The following ATP6V1B1 variants were observed in gnomAD, a reference collection of about 807,000 sequenced individuals.
ATP6V1B1 encodes the protein ATPase H+ transporting V1 subunit B1.
ATP6V1B1 carries 41 observed loss-of-function variants against 62.1 expected under a neutral mutation model. The observed-to-expected ratio is 0.66, with a 90% CI of 0.51 to 0.86. ATP6V1B1 has a LOEUF of 0.86. Among genes scored for constraint, ATP6V1B1 ranks in the 40% least tolerant of loss-of-function variants. The probability of loss-of-function intolerance (pLI) is 0.00; values close to 1 mark genes in which losing one functional copy is unlikely to be tolerated. For synonymous variants in ATP6V1B1, 253 were observed against 273.4 expected (o/e 0.93, Z 0.74); for missense variants, 651 against 697.5 (o/e 0.93, Z 0.75).
intron 4 of ATP6V1B1, among the ~76,000 whole-genome samples, chr2:70,958,813 T>A (rs1454078372): frequency 6.6e-6 from 1 of 152,150 alleles, no homozygotes; most frequent in Non-Finnish European, 1.5e-5. Context: ...GCCTTGCCTG[T>A]AAAGGTTTCC....
chr2:70,964,703 G>A, intron 12 of ATP6V1B1, 33 bp from the exon 13 acceptor site: 2 of 1,612,842 alleles, frequency 1.2e-6, no homozygotes, highest in Non-Finnish European at 1.7e-6. Context: ...TGGTAAGCCC[G>A]CAGCGGCCAC....
At position 70,935,916 on chromosome 2, in the gene ATP6V1B1, G is replaced by T. The variant is rs782785671; in HGVS notation, c.-39G>T. ...TGAAGTCTCAGAGCTGCCACCAGCAGCAGGCTCAGACACTGGGCTCCCAGC... is the reference window on the plus strand; with the variant it reads ...TGAAGTCTCAGAGCTGCCACCAGCATCAGGCTCAGACACTGGGCTCCCAGC... On this transcript the variant is annotated 5_prime_UTR_variant, in exon 1 of 14. Transcript: ENST00000234396. 6.4e-7 allele frequency: 1 copy of T among 1,567,828 alleles called. No individual in the cohort carries two copies. The highest frequency in any genetic ancestry group is 8.7e-7 in the Non-Finnish European group (1 of 1,143,674).
At chr2:70,964,672 T>A (rs1265572589) in intron 12 of ATP6V1B1, 64 bp from the exon 13 acceptor site, 1 of 1,612,550 alleles carries the variant, frequency 6.2e-7, no homozygotes, top group Non-Finnish European at 8.5e-7. Flanking sequence ...TGTGGCCAGG[T>A]TGGGGGCTAC....
At position 70,958,072 on chromosome 2, in the gene ATP6V1B1, C is replaced by T; in HGVS notation, c.201C>T (p.His67=). The change falls in exon 3 of 14, where the codon CAC becomes CAT. Residue 67 remains histidine, a synonymous_variant. Transcript: ENST00000234396. ...VKFAQYAEIV[H]FTLPDGTQRS... ...TTGCCCAGTATGCGGAGATCGTCCA[C>T]TTCACCCTCCCAGATGGGACTCAGA... 6.2e-7 allele frequency: 1 copy of T among 1,614,134 alleles called. No individual in the cohort carries two copies. The highest frequency in any genetic ancestry group is 2.2e-5 in the East Asian group (1 of 44,880).
At chr2:70,943,971 A>G in intron 2 of ATP6V1B1, 1 of 974,058 alleles carries the variant, frequency 1.0e-6, no homozygotes, top group Non-Finnish European at 1.2e-6. Context: ...GAAACCTCCT[A>G]CTATCCCTAA....
intron 11 of ATP6V1B1, 65 bp from the exon 12 acceptor site, chr2:70,964,372 AT>A (rs1171826556): frequency 4.5e-6 from 7 of 1,543,140 alleles, no homozygotes; most frequent in South Asian, 3.4e-5. Context: ...CCTGAGAACA[AT>A]TTGGGGACAG....
chr2:70,953,334 G>T (rs1301509188), intron 2 of ATP6V1B1, among the ~76,000 whole-genome samples: 5 of 152,146 alleles, frequency 3.3e-5, no homozygotes, highest in African/African-American at 1.2e-4. Flanking sequence ...TGTTTTCAAA[G>T]AGTACTTTTG....
intron 1 of ATP6V1B1, chr2:70,942,086 C>A: frequency 9.0e-7 from 1 of 1,114,286 alleles, no homozygotes; most frequent in Non-Finnish European, 1.1e-6. Context: ...GAGAGAGAGA[C>A]AGAGAGAGAG....
At chr2:70,948,520 G>A (rs574328308) in intron 2 of ATP6V1B1, 91 of 154,892 alleles carry the variant, frequency 5.9e-4, no homozygotes, top group African/African-American at 1.9e-3. Flanking sequence ...ATGAGGCAGG[G>A]CCCGTTTCGT....
chr2:70,958,008 A>T, intron 2 of ATP6V1B1, 38 bp from the exon 3 acceptor site: 1 of 1,588,502 alleles, frequency 6.3e-7, no homozygotes, highest in East Asian at 2.2e-5. Flanking sequence ...CTTTGCCTCC[A>T]GTCTCACTGT....
chr2:70,956,205 G>T, intron 2 of ATP6V1B1: 1 of 232,250 alleles, frequency 4.3e-6, no homozygotes, highest in Non-Finnish European at 9.9e-6. Flanking sequence ...GGACTTCATA[G>T]CCACCATAGG....
chr2:70,948,981 T>C (rs1680258607), intron 2 of ATP6V1B1, among the ~76,000 whole-genome samples: 1 of 152,216 alleles, frequency 6.6e-6, no homozygotes, highest in Non-Finnish European at 1.5e-5. Flanking sequence ...ATAACGATAG[T>C]AATGATGATG....
chr2:70,941,815 G>A (rs1680010446), intron 1 of ATP6V1B1: 7 of 985,726 alleles, frequency 7.1e-6, no homozygotes, highest in South Asian at 9.4e-5. Flanking sequence ...GTCTGAGAGC[G>A]AGGAGTGTGA....
intron 1 of ATP6V1B1, among the ~76,000 whole-genome samples, chr2:70,936,580 G>A (rs541051285): frequency 1.2e-4 from 19 of 152,218 alleles, no homozygotes; most frequent in Admixed American, 3.9e-4. Context: ...TGTGTGTTCT[G>A]AGGAGGGTGC....
chr2:70,961,758 C>G, intron 8 of ATP6V1B1, 65 bp downstream of exon 8: 1 of 1,487,522 alleles, frequency 6.7e-7, no homozygotes, highest in Non-Finnish European at 9.4e-7. Flanking sequence ...CCAAGACCTA[C>G]AGTACCAGGG....
intron 2 of ATP6V1B1, 139 bp from the exon 3 acceptor site, chr2:70,957,907 C>T: frequency 1.2e-6 from 1 of 814,718 alleles, no homozygotes; most frequent in Admixed American, 2.0e-5. Flanking sequence ...CACTTCCCAG[C>T]CCCTTGAGTT....
chr2:70,959,987 A>G lies in ATP6V1B1; in HGVS notation c.494A>G (p.Gln165Arg), dbSNP rs369079810. Reference protein sequence around the residue: ...HSRIYPEEMIQTGISPIDVMN... With the variant: ...HSRIYPEEMIRTGISPIDVMN... Reference sequence around the variant, plus strand: ...CGCATCTACCCCGAGGAGATGATTCAGACGGGCATTTCTCCTATTGACGTC... The same window carrying G: ...CGCATCTACCCCGAGGAGATGATTCGGACGGGCATTTCTCCTATTGACGTC... The change falls in exon 6 of 14, where the codon CAG becomes CGG. Residue 165 changes from glutamine (Q) to arginine (R), a missense_variant. Transcript: ENST00000234396. This position sits in a 1 kb window ranked among gnomAD's most constrained non-coding sequence, Gnocchi z 4.2. 4 of 1,614,106 alleles carry G rather than the reference A, an allele frequency of 2.5e-6. No individual in the cohort carries two copies. In the African/African-American group the frequency reaches 5.3e-5, roughly 22 times the overall value.
intron 8 of ATP6V1B1, 72 bp from the exon 9 acceptor site, chr2:70,962,705 G>T: frequency 6.2e-7 from 1 of 1,601,312 alleles, no homozygotes; most frequent in Non-Finnish European, 8.5e-7. Flanking sequence ...TTCACCTTGC[G>T]CTCAGCCCCC....
intron 2 of ATP6V1B1, among the ~76,000 whole-genome samples, chr2:70,952,499 AT>A (rs1250440441): frequency 1.3e-5 from 2 of 151,880 alleles, no homozygotes; most frequent in Non-Finnish European, 2.9e-5. Context: ...CAGATGCTGA[AT>A]TTTATCAGAA....
Sources: allele counts gnomAD v4.1 joint callset (sites outside exome capture counted in the v4.1 genomes callset), GRCh38; gene constraint gnomAD v4.1.1; non-coding constraint Gnocchi (gnomAD v3.1); transcripts MANE v1.5; gene names NCBI Gene and HGNC (gene_info 2026-07-23, HGNC 2026-07-21).